CYYR1: variants seen among roughly 807,000 people sequenced by gnomAD.
CYYR1 encodes cysteine and tyrosine rich 1.
A neutral mutation model predicts 15.2 loss-of-function variants in CYYR1; 14 were observed. The ratio of observed to expected loss-of-function variants is 0.92; its 90% CI spans 0.61 to 1.44. The LOEUF is 1.44. Among genes scored for constraint, CYYR1 ranks in the 40% most tolerant of loss-of-function variants. The probability of loss-of-function intolerance (pLI) is 0.00; values close to 1 mark genes in which losing one functional copy is unlikely to be tolerated. For missense variants in CYYR1, 228 were observed against 209.5 expected (o/e 1.09, Z -0.54); for synonymous variants, 80 against 77.4 (o/e 1.03, Z -0.18).
intron 2 of CYYR1, among the ~76,000 whole-genome samples, chr21:26,540,101 A>G (rs1165775289): frequency 1.3e-5 from 2 of 152,232 alleles, no homozygotes; most frequent in Non-Finnish European, 2.9e-5. Flanking sequence ...CGTTTAAGAC[A>G]TTAGACTATG....
At chr21:26,545,592 T>C (rs1180191861) in intron 2 of CYYR1, among the ~76,000 whole-genome samples, 4 of 143,670 alleles carry the variant, frequency 2.8e-5, no homozygotes, top group African/African-American at 1.0e-4. Flanking sequence ...TTTTTTTTTT[T>C]TGAGACGGAG....
intron 2 of CYYR1, among the ~76,000 whole-genome samples, chr21:26,543,156 A>AG (rs554409418): frequency 7.3e-4 from 111 of 152,238 alleles, no homozygotes; most frequent in African/African-American, 2.6e-3. Flanking sequence ...GGACACAGGG[A>AG]GGGGAACGGC....
At chr21:26,544,902 A>AC (rs1340552614) in intron 2 of CYYR1, among the ~76,000 whole-genome samples, 1 of 152,010 alleles carries the variant, frequency 6.6e-6, no homozygotes, top group Non-Finnish European at 1.5e-5. Flanking sequence ...AACTGTGATT[A>AC]CCCCACTGCC....
chr21:26,476,688 G>A (rs1252475097), intron 3 of CYYR1, among the ~76,000 whole-genome samples: 1 of 151,290 alleles, frequency 6.6e-6, no homozygotes, highest in East Asian at 1.9e-4. Context: ...AATAATATAC[G>A]TCAAATCTCA....
intron 2 of CYYR1, among the ~76,000 whole-genome samples, chr21:26,486,149 G>A (rs1035885611): frequency 1.3e-5 from 2 of 151,982 alleles, no homozygotes; most frequent in African/African-American, 4.8e-5. Flanking sequence ...TTTTACTGTT[G>A]AGTTTTTGAG....
At chr21:26,517,090 G>A (rs62216523) in intron 2 of CYYR1, among the ~76,000 whole-genome samples, 1 of 128,814 alleles carries the variant, frequency 7.8e-6, no homozygotes, top group African/African-American at 3.2e-5. Flanking sequence ...ACTCCAGCCT[G>A]GGCGACAGAG....
At chr21:26,545,564 A>ATTTT (rs1555910241) in intron 2 of CYYR1, among the ~76,000 whole-genome samples, 58 of 73,820 alleles carry the variant, frequency 7.9e-4, no homozygotes, top group South Asian at 2.3e-3. Flanking sequence ...TAAGATGCTT[A>ATTTT]TTCTTTTTTT....
At chr21:26,508,974 ACT>A (rs906348594) in intron 2 of CYYR1, among the ~76,000 whole-genome samples, 4 of 152,178 alleles carry the variant, frequency 2.6e-5, no homozygotes, top group African/African-American at 7.2e-5. Flanking sequence ...ATATTGCAAC[ACT>A]CTCCATTGTA....
intron 2 of CYYR1, among the ~76,000 whole-genome samples, chr21:26,523,583 T>C (rs2099684986): frequency 6.6e-6 from 1 of 152,196 alleles, no homozygotes; most frequent in Non-Finnish European, 1.5e-5. Flanking sequence ...CTACCACTCA[T>C]TCACTCAGTT....
chr21:26,550,208 C>T (rs545881908), intron 2 of CYYR1: 13 of 152,184 alleles, frequency 8.5e-5, no homozygotes, highest in Admixed American at 2.6e-4. Flanking sequence ...TAATTACTTT[C>T]GGCCACCACA....
At position 26,568,957 on chromosome 21, in the gene CYYR1, A is replaced by G. The variant is rs1201590476; in HGVS notation, c.74-2589T>C. 4 of 152,318 alleles carry G rather than the reference A, an allele frequency of 2.6e-5. No individual in the cohort carries two copies. In the East Asian group the frequency reaches 7.7e-4, roughly 29 times the overall value. The allele number at this position is 152,318 out of a possible 1,614,324, so 9.4% of individuals were successfully genotyped here. ...ACAGATGCTGGTGAGCCTGTGGAGA[A>G]AAGGGAATACTTATACACTGCTATT... On this transcript the variant is annotated intron_variant, in intron 1 of 3. Transcript: ENST00000652641.
chr21:26,528,562 C>T (rs1314711234), intron 2 of CYYR1, among the ~76,000 whole-genome samples: 2 of 152,134 alleles, frequency 1.3e-5, no homozygotes, highest in Non-Finnish European at 2.9e-5. Context: ...TCGTCAGAAC[C>T]GGGTGCCAGT....
At position 26,488,238 on chromosome 21, in the gene CYYR1, C is replaced by CTACTTACT. The variant is rs370044701; in HGVS notation, c.177-7810_177-7809insAGTAAGTA. Among the ~76,000 whole-genome samples, 141 of 127,136 alleles carry CTACTTACT rather than the reference C, an allele frequency of 1.1e-3. No homozygotes were observed. The Middle Eastern group carries it at 0.011, about 10-fold the overall frequency. 83.4% of individuals were successfully genotyped at this position (127,136 alleles called of 152,430 possible). A position where few individuals can be genotyped will look rare whatever the true frequency, so the allele number is the denominator to read the frequency against. On this transcript the variant is annotated intron_variant, in intron 2 of 3. Coordinates refer to ENST00000652641, the MANE Select transcript of CYYR1 (RefSeq NM_001320768.2). Reference sequence around the variant, plus strand: ...ACTAAAATAAAGACTACATCTTCCCCTACTTCCTTCCTTCCTTCCTTCCTT... The same window carrying CTACTTACT: ...ACTAAAATAAAGACTACATCTTCCCCTACTTACTTACTTCCTTCCTTCCTTCCTTCCTT...
At chr21:26,504,792 C>T (rs1402060512) in intron 2 of CYYR1, among the ~76,000 whole-genome samples, 2 of 152,142 alleles carry the variant, frequency 1.3e-5, no homozygotes, top group Non-Finnish European at 2.9e-5. Flanking sequence ...CCATCCTCAC[C>T]TCCATCCGAT....
chr21:26,466,473 G>A lies in CYYR1; in HGVS notation c.*2028C>T, dbSNP rs1012809431. The A allele has an allele frequency of 2.0e-5, 3 of 152,092 alleles. No individual in the cohort carries two copies. The highest frequency in any genetic ancestry group is 4.4e-5 in the Non-Finnish European group (3 of 68,004). The allele number at this position is 152,092 out of a possible 1,614,324, so 9.4% of individuals were successfully genotyped here. Reference sequence around the variant, plus strand: ...CTTATGGGTTTGTAAAATGCCTTAAGGGAGGCCATAAACAACTCAAAGAAG... The same window carrying A: ...CTTATGGGTTTGTAAAATGCCTTAAAGGAGGCCATAAACAACTCAAAGAAG... On this transcript the variant is annotated 3_prime_UTR_variant, in exon 4 of 4. Transcript: ENST00000652641.
intron 2 of CYYR1, among the ~76,000 whole-genome samples, chr21:26,492,983 ATGTGTG>A (rs545047939): frequency 6.6e-6 from 1 of 151,868 alleles, no homozygotes; most frequent in African/African-American, 2.4e-5. Flanking sequence ...TTGTGTGTAT[ATGTGTG>A]TGTGTGAAAG....
At chr21:26,569,320 T>C (rs1220420291) in intron 1 of CYYR1, 2 of 151,972 alleles carry the variant, frequency 1.3e-5, no homozygotes, top group Non-Finnish European at 2.9e-5. Context: ...CATCATCCTA[T>C]GCAAATTAAT....
Position 26,466,447 on chromosome 21 carries a change from G to A in CYYR1, c.*2054C>T, listed in dbSNP as rs1482440066. ...TAGTAAAAATACTCATCTATTGTAG[G>A]CTTATGGGTTTGTAAAATGCCTTAA... On this transcript the variant is annotated 3_prime_UTR_variant, in exon 4 of 4. Coordinates refer to ENST00000652641, the MANE Select transcript of CYYR1 (RefSeq NM_001320768.2). 6.6e-6 allele frequency: 1 copy of A among 152,120 alleles called. No homozygotes were observed. The highest frequency in any genetic ancestry group is 2.1e-4 in the South Asian group (1 of 4,826). 9.4% of individuals were successfully genotyped at this position (152,120 alleles called of 1,614,324 possible). A position where few individuals can be genotyped will look rare whatever the true frequency, so the allele number is the denominator to read the frequency against.
At chr21:26,471,363 G>A (rs1262669919) in intron 3 of CYYR1, 1 of 152,204 alleles carries the variant, frequency 6.6e-6, no homozygotes, top group Non-Finnish European at 1.5e-5. Context: ...GCCATGGCAT[G>A]TGTTTATGCG....
Sources: allele counts gnomAD v4.1 joint callset (sites outside exome capture counted in the v4.1 genomes callset), GRCh38; gene constraint gnomAD v4.1.1; transcripts MANE v1.5; gene names NCBI Gene and HGNC (gene_info 2026-07-23, HGNC 2026-07-21).